ATG10: variants seen among roughly 807,000 people sequenced by gnomAD.
The protein encoded by ATG10 is autophagy related 10.
ATG10 carries 30 observed loss-of-function variants against 32.1 expected under a neutral mutation model. That is an observed-to-expected ratio of 0.94 (90% CI 0.70 to 1.27). The LOEUF is 1.27. ATG10 is among the 50% of genes most tolerant of loss of function. ATG10 has a pLI of 0.00. For missense variants in ATG10, 233 were observed against 262.3 expected (o/e 0.89, Z 0.77); for synonymous variants, 87 against 91.5 (o/e 0.95, Z 0.28).
chr5:82,167,363 T>C (rs544659214), intron 4 of ATG10, among the ~76,000 whole-genome samples: 24 of 152,244 alleles, frequency 1.6e-4, no homozygotes, highest in Non-Finnish European at 3.2e-4. Flanking sequence ...TGGCTTTGTG[T>C]GTATACATGT....
At chr5:82,188,132 G>A (rs1372936276) in intron 5 of ATG10, among the ~76,000 whole-genome samples, 3 of 152,104 alleles carry the variant, frequency 2.0e-5, no homozygotes, top group Non-Finnish European at 2.9e-5. Context: ...ATTTTAATGG[G>A]AGCTTAAGAT....
chr5:82,121,548 G>T (rs1031512941), intron 3 of ATG10, among the ~76,000 whole-genome samples: 11 of 152,186 alleles, frequency 7.2e-5, no homozygotes, highest in Non-Finnish European at 4.4e-5. Context: ...TGGTTTTCAA[G>T]AGGAATGATT....
Position 82,253,318 on chromosome 5 carries a change from G to A in ATG10, c.556G>A (p.Val186Ile), listed in dbSNP as rs766777899. The A allele has an allele frequency of 6.2e-7, 1 of 1,607,018 alleles. No individual in the cohort carries two copies. Among genetic ancestry groups the A allele is most frequent in the Non-Finnish European group, 8.5e-7 (1 of 1,173,554 alleles). ...LKNSQKINKNVNYITSWLSIV... is the reference protein window; with the variant it reads ...LKNSQKINKNINYITSWLSIV... ...TGTATTTCACTTGTTTCCTAGGAATGTCAACTATATCACATCATGGCTGAG... is the reference window on the plus strand; with the variant it reads ...TGTATTTCACTTGTTTCCTAGGAATATCAACTATATCACATCATGGCTGAG... The change falls in exon 7 of 8, where the codon GTC becomes ATC. Residue 186 changes from valine (V) to isoleucine (I), a missense_variant. Val to Ile is a conservative substitution (Grantham distance 29, BLOSUM62 3). Coordinates refer to ENST00000282185, the MANE Select transcript of ATG10 (RefSeq NM_031482.5).
intron 2 of ATG10, among the ~76,000 whole-genome samples, chr5:82,048,274 T>TG (rs1380883308): frequency 7.0e-6 from 1 of 142,314 alleles, no homozygotes; most frequent in East Asian, 2.0e-4. Flanking sequence ...GGTAGCTTGA[T>TG]GGGGATGGTA....
chr5:82,244,371 C>T (rs1264604504), intron 5 of ATG10, among the ~76,000 whole-genome samples: 3 of 152,130 alleles, frequency 2.0e-5, no homozygotes, highest in Non-Finnish European at 4.4e-5. Flanking sequence ...CTCTGCCCCT[C>T]ACTACATGGA....
At chr5:82,080,713 T>C (rs1435801091) in intron 3 of ATG10, among the ~76,000 whole-genome samples, 3 of 152,212 alleles carry the variant, frequency 2.0e-5, no homozygotes, top group Non-Finnish European at 2.9e-5. Context: ...TTCTGTTCCA[T>C]TGGTCTATAT....
intron 3 of ATG10, among the ~76,000 whole-genome samples, chr5:82,146,613 G>GTT (rs769828810): frequency 3.7e-5 from 5 of 136,100 alleles, no homozygotes; most frequent in African/African-American, 8.1e-5. Flanking sequence ...ATTTTCTTTT[G>GTT]TTTTTTTTTT....
intron 3 of ATG10, among the ~76,000 whole-genome samples, chr5:82,080,155 A>G (rs1764423793): frequency 1.3e-5 from 2 of 152,214 alleles, no homozygotes; most frequent in Non-Finnish European, 2.9e-5. Flanking sequence ...TTGGCTGCAT[A>G]AATGTCTTCT....
chr5:82,116,015 TAC>T (rs1447788399), intron 3 of ATG10, among the ~76,000 whole-genome samples: 4 of 152,240 alleles, frequency 2.6e-5, no homozygotes, highest in Admixed American at 2.0e-4. Context: ...TGCTAATTCT[TAC>T]TGGGAGATGG....
intron 3 of ATG10, among the ~76,000 whole-genome samples, chr5:82,080,994 G>A (rs1764458009): frequency 6.6e-6 from 1 of 152,224 alleles, no homozygotes; most frequent in Non-Finnish European, 1.5e-5. Flanking sequence ...CTGTCCATGA[G>A]CATGGAGTGT....
chr5:82,107,123 A>T (rs1004009444), intron 3 of ATG10, among the ~76,000 whole-genome samples: 1 of 152,036 alleles, frequency 6.6e-6, no homozygotes, highest in Non-Finnish European at 1.5e-5. Context: ...AATTTTAAAA[A>T]TATATATATA....
chr5:82,064,248 A>C (rs913700338), intron 3 of ATG10, among the ~76,000 whole-genome samples: 33 of 152,346 alleles, frequency 2.2e-4, no homozygotes, highest in African/African-American at 7.7e-4. Context: ...AAGAGTGATA[A>C]ATTCTTATTT....
intron 3 of ATG10, among the ~76,000 whole-genome samples, chr5:82,138,679 C>T (rs368623664): frequency 3.3e-5 from 5 of 151,970 alleles, no homozygotes; most frequent in Admixed American, 2.0e-4. Context: ...CCATCTTGCC[C>T]GGGGATCCAT....
chr5:82,033,111 A>G (rs1480257433), intron 2 of ATG10, among the ~76,000 whole-genome samples: 1 of 152,048 alleles, frequency 6.6e-6, no homozygotes, highest in African/African-American at 2.4e-5. Context: ...AAATTGTTGT[A>G]TTTTATTCTC....
chr5:82,129,954 T>C (rs1766451724), intron 3 of ATG10, among the ~76,000 whole-genome samples: 1 of 152,124 alleles, frequency 6.6e-6, no homozygotes, highest in Non-Finnish European at 1.5e-5. Flanking sequence ...CAACTGCCCC[T>C]TCCCTTAGGT....
At chr5:82,018,979 T>C (rs1437178560) in intron 2 of ATG10, among the ~76,000 whole-genome samples, 2 of 152,226 alleles carry the variant, frequency 1.3e-5, no homozygotes, top group Admixed American at 1.3e-4. Context: ...GGTAGGAATC[T>C]TTGTTTAATT....
intron 2 of ATG10, among the ~76,000 whole-genome samples, chr5:82,032,252 A>T (rs532576649): frequency 3.3e-5 from 5 of 152,170 alleles, no homozygotes; most frequent in Non-Finnish European, 5.9e-5. Context: ...CAGAGTTTAT[A>T]TATCTGTGCT....
At chr5:82,110,398 T>C (rs1184324665) in intron 3 of ATG10, among the ~76,000 whole-genome samples, 2 of 152,202 alleles carry the variant, frequency 1.3e-5, no homozygotes, top group African/African-American at 2.4e-5. Context: ...ATGGTTGAAC[T>C]AGTTTACAGT....
chr5:82,088,109 G>A (rs1206274243), intron 3 of ATG10, among the ~76,000 whole-genome samples: 1 of 152,092 alleles, frequency 6.6e-6, no homozygotes, highest in Non-Finnish European at 1.5e-5. Context: ...CACTTTCCCA[G>A]AGCTAACATG....
Sources: allele counts gnomAD v4.1 joint callset (sites outside exome capture counted in the v4.1 genomes callset), GRCh38; gene constraint gnomAD v4.1.1; transcripts MANE v1.5; gene names NCBI Gene and HGNC (gene_info 2026-07-23, HGNC 2026-07-21).